Variants in ARFGEF3 observed in about 807,000 individuals in gnomAD.
ARFGEF3 encodes the protein brefeldin A-inhibited guanine nucleotide-exchange protein 3.
ARFGEF3 carries 96 observed loss-of-function variants against 221.7 expected under a neutral mutation model. The observed-to-expected ratio is 0.43, with a 90% CI of 0.37 to 0.51. ARFGEF3 has a LOEUF of 0.51. Among genes scored for constraint, ARFGEF3 ranks in the 20% least tolerant of loss-of-function variants. The pLI is 0.00. For synonymous variants in ARFGEF3, 1,145 were observed against 1,126.8 expected, an observed-to-expected ratio of 1.02 and a Z score of -0.32; for missense variants, 2,410 against 2,789.9, an observed-to-expected ratio of 0.86 and a Z score of 3.07.
intron 25 of ARFGEF3, among the ~76,000 whole-genome samples, chr6:138,312,775 T>C (rs963649099): frequency 3.3e-5 from 5 of 152,218 alleles, no homozygotes; most frequent in Non-Finnish European, 7.3e-5. Flanking sequence ...AGTGGCATGA[T>C]CTCAGCTCAC....
intron 12 of ARFGEF3, among the ~76,000 whole-genome samples, chr6:138,268,183 A>G (rs970446794): frequency 1.3e-5 from 2 of 152,228 alleles, no homozygotes; most frequent in Non-Finnish European, 2.9e-5. Context: ...AAAAATTAAC[A>G]AAAGAGAAAA....
At chr6:138,203,614 T>G (rs1777575656) in intron 2 of ARFGEF3, among the ~76,000 whole-genome samples, 1 of 152,162 alleles carries the variant, frequency 6.6e-6, no homozygotes, top group Non-Finnish European at 1.5e-5. Flanking sequence ...AGATGAAATC[T>G]TTGTCTATAG....
At chr6:138,290,926 AG>A (rs902430933) in intron 18 of ARFGEF3, among the ~76,000 whole-genome samples, 15 of 149,544 alleles carry the variant, frequency 1.0e-4, no homozygotes, top group African/African-American at 3.9e-4. Context: ...TGCTCTAACA[AG>A]AAAAGAAAAG....
chr6:138,335,132 G>A lies in ARFGEF3; in HGVS notation c.6286G>A (p.Gly2096Ser), dbSNP rs1780299505. ...GCGACAGGACAAGAGGCCCCGCTCAGGCTCCACCGGGAGCTCCCTCAGTGT... is the reference window on the plus strand; with the variant it reads ...GCGACAGGACAAGAGGCCCCGCTCAAGCTCCACCGGGAGCTCCCTCAGTGT... ...LLRQDKRPRS[G>S]STGSSLSVSV... Residue 2096 changes from glycine to serine, a missense_variant, in exon 33 of 34, where the codon GGC (glycine) becomes AGC (serine). By Grantham distance (56) the Gly-to-Ser change is moderately conservative. This residue lies in a region of ARFGEF3 where 339 missense variants were observed against 334.9 expected (regional missense o/e 1.01). Coordinates refer to ENST00000251691, the MANE Select transcript of ARFGEF3 (RefSeq NM_020340.5). The A allele has an allele frequency of 1.3e-6, 2 of 1,593,466 alleles. No homozygotes were observed. Among genetic ancestry groups the A allele is most frequent in the African/African-American group, 2.7e-5 (2 of 74,232 alleles).
chr6:138,170,293 A>G (rs769266233), intron 1 of ARFGEF3, among the ~76,000 whole-genome samples: 1 of 152,232 alleles, frequency 6.6e-6, no homozygotes, highest in Non-Finnish European at 1.5e-5. Flanking sequence ...ATTATTGTGT[A>G]AGGATATTGA....
At chr6:138,295,406 G>A (rs1165982798) in intron 20 of ARFGEF3, among the ~76,000 whole-genome samples, 2 of 151,896 alleles carry the variant, frequency 1.3e-5, no homozygotes, top group East Asian at 3.9e-4. Flanking sequence ...GATCACCTGA[G>A]GTCAGGAGTT....
intron 32 of ARFGEF3, among the ~76,000 whole-genome samples, chr6:138,328,464 C>A (rs571728219): frequency 7.6e-4 from 115 of 152,248 alleles, no homozygotes; most frequent in African/African-American, 2.7e-3. Flanking sequence ...TGTAGATGAC[C>A]ATTTTCTTCC....
chr6:138,334,493 C>G lies in ARFGEF3; in HGVS notation c.5647C>G (p.Arg1883Gly), dbSNP rs776479523. The change falls in exon 33 of 34, where the codon CGG becomes GGG. Residue 1883 changes from arginine (R) to glycine (G), a missense_variant. Transcript: ENST00000251691. The surrounding 1 kb of genome is among the most constrained non-coding windows in gnomAD (Gnocchi z 5.1). Reference sequence around the variant, plus strand: ...CAAGGAGAAGAGACAGTGGCGGGCACGGATGCCCTTGCTCAGCGTCCAGCC... The same window carrying G: ...CAAGGAGAAGAGACAGTGGCGGGCAGGGATGCCCTTGCTCAGCGTCCAGCC... The part of the protein sequence containing the change: ...RGKEKRQWRA[R>G]MPLLSVQPVS... The G allele has an allele frequency of 1.2e-6, 2 of 1,605,880 alleles. No homozygotes were observed. The highest frequency in any genetic ancestry group is 2.2e-5 in the South Asian group (2 of 90,246).
intron 2 of ARFGEF3, among the ~76,000 whole-genome samples, chr6:138,178,058 T>C (rs1466904613): frequency 6.6e-6 from 1 of 152,184 alleles, no homozygotes; most frequent in Non-Finnish European, 1.5e-5. Context: ...TATCTTTGTG[T>C]TGATTTAAAT....
At chr6:138,239,351 G>A (rs1778350600) in intron 6 of ARFGEF3, among the ~76,000 whole-genome samples, 1 of 152,126 alleles carries the variant, frequency 6.6e-6, no homozygotes, top group Non-Finnish European at 1.5e-5. Context: ...TGTTCAAATG[G>A]AAAATCTCAG....
At chr6:138,333,445 A>AT (rs931490106) in intron 32 of ARFGEF3, among the ~76,000 whole-genome samples, 1 of 151,732 alleles carries the variant, frequency 6.6e-6, no homozygotes. Context: ...AGCTTTGGGA[A>AT]TTTTTTTTCT....
rs529667452 is a variant in ARFGEF3 at position 138,198,325 on chromosome 6, G to A, written c.138-8717G>A. ...CTATATCCCTAGGGCCTGAAACAGT[G>A]CCTGATGGGTGAATCCAATCTTTGT... On this transcript the variant is annotated intron_variant, in intron 2 of 33. Transcript: ENST00000251691. Among the ~76,000 whole-genome samples the A allele has an allele frequency of 2.9e-4, 44 of 152,262 alleles. No individual in the cohort carries two copies. The Middle Eastern group carries it at 0.017, about 59-fold the overall frequency.
intron 32 of ARFGEF3, among the ~76,000 whole-genome samples, chr6:138,328,461 G>A (rs972440756): frequency 2.6e-5 from 4 of 152,080 alleles, no homozygotes; most frequent in Non-Finnish European, 5.9e-5. Context: ...ACCTGTAGAT[G>A]ACCATTTTCT....
chr6:138,310,491 A>G (rs1461736899), intron 24 of ARFGEF3, among the ~76,000 whole-genome samples: 2 of 152,128 alleles, frequency 1.3e-5, no homozygotes, highest in South Asian at 2.1e-4. Flanking sequence ...TGAAGTATTT[A>G]CTCTCTGGCC....
At chr6:138,318,371 A>C (rs1317900759) in intron 27 of ARFGEF3, among the ~76,000 whole-genome samples, 4 of 152,214 alleles carry the variant, frequency 2.6e-5, no homozygotes, top group Admixed American at 2.0e-4. Context: ...AATTATCAAT[A>C]ATAAAGACAA....
chr6:138,200,452 G>GT (rs1350389298), intron 2 of ARFGEF3, among the ~76,000 whole-genome samples: 1 of 152,200 alleles, frequency 6.6e-6, no homozygotes, highest in Non-Finnish European at 1.5e-5. Flanking sequence ...CACTAAAACA[G>GT]TGTGGTACTG....
At chr6:138,313,379 A>C (rs1243652661) in intron 25 of ARFGEF3, among the ~76,000 whole-genome samples, 1 of 152,110 alleles carries the variant, frequency 6.6e-6, no homozygotes, top group Non-Finnish European at 1.5e-5. Flanking sequence ...TCAGAGGTTG[A>C]GTCAAGGGAA....
At chr6:138,272,716 A>G (rs901211107) in intron 12 of ARFGEF3, among the ~76,000 whole-genome samples, 1 of 152,230 alleles carries the variant, frequency 6.6e-6, no homozygotes, top group African/African-American at 2.4e-5. Context: ...GTGACTAAGC[A>G]AAGTTGTGTA....
chr6:138,250,964 G>C (rs564442119), intron 8 of ARFGEF3, among the ~76,000 whole-genome samples: 75 of 152,310 alleles, frequency 4.9e-4, no homozygotes, highest in African/African-American at 1.8e-3. Flanking sequence ...CATACATGCT[G>C]CGTACGTGCG....
Sources: allele counts gnomAD v4.1 joint callset (sites outside exome capture counted in the v4.1 genomes callset), GRCh38; gene constraint gnomAD v4.1.1; regional missense constraint gnomAD v4.1.1; non-coding constraint Gnocchi (gnomAD v3.1); transcripts MANE v1.5; gene names NCBI Gene and HGNC (gene_info 2026-07-23, HGNC 2026-07-21).